Variants in GON4L observed in about 807,000 individuals in gnomAD.
The protein encoded by GON4L is gon-4 like.
In GON4L, 87 loss-of-function variants were observed where a neutral mutation model predicts 211.8. That is an observed-to-expected ratio of 0.41 (90% CI 0.35 to 0.49). GON4L has a LOEUF of 0.49. GON4L is among the 20% of genes least tolerant of loss of function. The pLI is 0.15. For synonymous variants in GON4L, 875 were observed against 962.6 expected (o/e 0.91, Z 1.68); for missense variants, 2,155 against 2,659.5 (o/e 0.81, Z 4.17).
intron 2 of GON4L, among the ~76,000 whole-genome samples, chr1:155,853,009 G>T (rs764218126): frequency 6.6e-6 from 1 of 152,130 alleles, no homozygotes; most frequent in African/African-American, 2.4e-5. Flanking sequence ...ATACTTGAGA[G>T]ACTGAGGCAG....
At chr1:155,851,346 T>G (rs1671776610) in intron 2 of GON4L, among the ~76,000 whole-genome samples, 1 of 149,188 alleles carries the variant, frequency 6.7e-6, no homozygotes, top group African/African-American at 2.5e-5. Flanking sequence ...AGAGCCAGAC[T>G]ACGTCTCAAA....
intron 21 of GON4L, 103 bp downstream of exon 21, chr1:155,764,897 T>C: frequency 6.3e-7 from 1 of 1,599,966 alleles, no homozygotes; most frequent in Non-Finnish European, 8.6e-7. Flanking sequence ...ATACAAATGA[T>C]TTTAGGACTA....
At chr1:155,794,955 G>A in intron 12 of GON4L, 95 bp downstream of exon 12, 2 of 774,550 alleles carry the variant, frequency 2.6e-6, no homozygotes, top group Admixed American at 1.8e-5. Context: ...TCTTAACATG[G>A]ATGAGCTGCA....
At chr1:155,832,640 A>AAAAC (rs756416514) in intron 2 of GON4L, among the ~76,000 whole-genome samples, 7 of 152,314 alleles carry the variant, frequency 4.6e-5, no homozygotes, top group South Asian at 2.1e-4. Flanking sequence ...CTCTGTCTCA[A>AAAAC]AAACAAACAA....
At chr1:155,800,031 T>C (rs1666480716) in intron 11 of GON4L, among the ~76,000 whole-genome samples, 1 of 151,618 alleles carries the variant, frequency 6.6e-6, no homozygotes. Context: ...AGAAACCCCA[T>C]CTCTACTAAA....
At chr1:155,809,557 TTA>T (rs1055785189) in intron 10 of GON4L, among the ~76,000 whole-genome samples, 2 of 143,804 alleles carry the variant, frequency 1.4e-5, no homozygotes, top group African/African-American at 2.5e-5. Context: ...TACTTATAAA[TTA>T]TATACTTATA....
At chr1:155,816,399 G>T in intron 6 of GON4L, 137 bp from the exon 7 acceptor site, 1 of 591,462 alleles carries the variant, frequency 1.7e-6, no homozygotes. Flanking sequence ...GATTATCCCT[G>T]AGGGTATACT....
In GON4L at chr1:155,750,200, T is replaced by C; in HGVS notation, c.*384A>G. 1.3e-5 allele frequency: 7 copies of C among 558,860 alleles called. No homozygotes were observed. In the South Asian group the frequency reaches 1.5e-4, roughly 12 times the overall value. The allele number at this position is 558,860 out of a possible 1,614,324, so 34.6% of individuals were successfully genotyped here. ...AAAACAGCTGGATGCAGGAGCCCAG[T>C]GTCTTCATGCAGAGGAGCTCAATGT... On this transcript the variant is annotated 3_prime_UTR_variant, in exon 32 of 32. Coordinates refer to ENST00000368331, the MANE Select transcript of GON4L (RefSeq NM_001282860.2).
chr1:155,784,357 C>T (rs867036683), intron 13 of GON4L: 3 of 140,138 alleles, frequency 2.1e-5, no homozygotes, highest in East Asian at 2.9e-4. Flanking sequence ...ATCTCTCTCT[C>T]CTTTTTTTTT....
chr1:155,807,565 A>G (rs1384754222), intron 10 of GON4L, among the ~76,000 whole-genome samples: 1 of 151,520 alleles, frequency 6.6e-6, no homozygotes, highest in Non-Finnish European at 1.5e-5. Context: ...TTAGCTGGGC[A>G]TGGTGGCAGG....
At chr1:155,779,912 C>T (rs1664237598) in intron 14 of GON4L, among the ~76,000 whole-genome samples, 2 of 152,136 alleles carry the variant, frequency 1.3e-5, no homozygotes, top group African/African-American at 4.8e-5. Context: ...ATTCTCCTGC[C>T]TCAGCCTCCA....
intron 6 of GON4L, among the ~76,000 whole-genome samples, chr1:155,816,754 T>G (rs1016683155): frequency 7.5e-6 from 1 of 132,886 alleles, no homozygotes; most frequent in African/African-American, 2.8e-5. Context: ...CTGCTCTGCC[T>G]ATGGGCTTTT....
chr1:155,804,904 C>G, intron 11 of GON4L, 45 bp downstream of exon 11: 2 of 1,401,686 alleles, frequency 1.4e-6, no homozygotes, highest in African/African-American at 2.8e-5. Context: ...AATTTTACAA[C>G]AGATAATGGA....
In GON4L at chr1:155,764,993, C is replaced by T. The variant is rs755541863; in HGVS notation, c.4473+7G>A. ...CGAAATACTTGAGAATATTCTCCAG[C>T]TCTCACCTGGAGTTCTGGGACAGAA... On this transcript the variant is annotated splice_region_variant and intron_variant, in intron 21 of 31. Transcript: ENST00000368331. 4 of 1,612,690 alleles carry T rather than the reference C, an allele frequency of 2.5e-6. No homozygotes were observed. The Admixed American group carries it at 5.0e-5, about 20-fold the overall frequency.
rs58789460 is a variant in GON4L, at chr1:155,761,175, G to T, written c.4912-534C>A. Among the ~76,000 whole-genome samples, 486 of 109,682 alleles carry T rather than the reference G, an allele frequency of 4.4e-3. 4 individuals carry two copies. The highest frequency in any genetic ancestry group is 0.017 in the African/African-American group (449 of 26,362). 72.0% of individuals were successfully genotyped at this position (109,682 alleles called of 152,430 possible). A position where few individuals can be genotyped will look rare whatever the true frequency, so the allele number is the denominator to read the frequency against. The stretch of plus-strand genomic sequence containing the variant: ...CCAAGAAGTGGTTAGCTTATGTGTG[G>T]TTTTTTTTTTTTTTTTTTTTTTTGA... On this transcript the variant is annotated intron_variant, in intron 23 of 31. Coordinates refer to ENST00000368331, the MANE Select transcript of GON4L (RefSeq NM_001282860.2).
downstream of GON4L, among the ~76,000 whole-genome samples, chr1:155,748,986 G>A (rs903339331): frequency 2.0e-5 from 3 of 152,176 alleles, no homozygotes; most frequent in Non-Finnish European, 2.9e-5. Flanking sequence ...AGGCATGGTG[G>A]CTGACGCCTG....
At position 155,761,175 on chromosome 1, in the gene GON4L, G is replaced by GTTTT. The variant is rs921323729; in HGVS notation, c.4912-538_4912-535dup. ...CCAAGAAGTGGTTAGCTTATGTGTG[G>GTTTT]TTTTTTTTTTTTTTTTTTTTTTTGA... On this transcript the variant is annotated intron_variant, in intron 23 of 31. Transcript: ENST00000368331. 1.6e-4 allele frequency among the ~76,000 whole-genome samples: 17 copies of GTTTT among 109,546 alleles called. 1 individual carries two copies. Among genetic ancestry groups the GTTTT allele is most frequent in the African/African-American group, 1.9e-4 (5 of 26,242 alleles). 71.9% of individuals were successfully genotyped at this position (109,546 alleles called of 152,430 possible).
In GON4L at chr1:155,803,498, C is replaced by T. The variant is rs545712510; in HGVS notation, c.1645+1451G>A. On this transcript the variant is annotated intron_variant, in intron 11 of 31. Transcript: ENST00000368331. ...GACCTTGTGATCCGCCCGCCTCGGC[C>T]TCCCAAAGAGCTGGGATAATAGGTG... 3.3e-5 allele frequency among the ~76,000 whole-genome samples: 5 copies of T among 152,336 alleles called. No individual in the cohort carries two copies. In the South Asian group the frequency reaches 1.0e-3, roughly 32 times the overall value.
rs182250994 is a variant in GON4L at position 155,777,576 on chromosome 1, C to T, written c.2091+46G>A. On this transcript the variant is annotated intron_variant, in intron 15 of 31. Transcript: ENST00000368331. ...GCTGGGAGACAGAGCCAGACTCTGT[C>T]TCAAAAAAAAAAATCCAATGTTAAC... The T allele has an allele frequency of 5.5e-3, 7,832 of 1,436,438 alleles. 49 individuals are homozygous for T. Among genetic ancestry groups the T allele is most frequent in the Non-Finnish European group, 5.8e-3 (5,927 of 1,018,540 alleles). 89.0% of individuals were successfully genotyped at this position (1,436,438 alleles called of 1,614,324 possible).
Sources: allele counts gnomAD v4.1 joint callset (sites outside exome capture counted in the v4.1 genomes callset), GRCh38; gene constraint gnomAD v4.1.1; transcripts MANE v1.5; gene names NCBI Gene and HGNC (gene_info 2026-07-23, HGNC 2026-07-21).